The following RPS6KC1 variants were observed in gnomAD, a reference collection of about 807,000 sequenced individuals.
RPS6KC1 encodes the protein ribosomal protein S6 kinase C1.
RPS6KC1 carries 54 observed loss-of-function variants against 103.8 expected under a neutral mutation model. That is an observed-to-expected ratio of 0.52 (90% CI 0.42 to 0.65). The LOEUF is 0.65. RPS6KC1 is among the 30% of genes least tolerant of loss of function. The pLI is 0.00. For synonymous variants in RPS6KC1, 439 were observed against 438.7 expected, an observed-to-expected ratio of 1.00 and a Z score of -0.01; for missense variants, 1,151 against 1,253.8, an observed-to-expected ratio of 0.92 and a Z score of 1.24.
the RPS6KC1 span, among the ~76,000 whole-genome samples, chr1:213,479,939 CT>C: frequency 6.6e-6 from 1 of 151,902 alleles, no homozygotes; most frequent in South Asian, 2.1e-4. Flanking sequence ...GGGTATGTTT[CT>C]GGTGTTCCTA....
chr1:213,140,078 C>G (rs929741705), intron 6 of RPS6KC1, among the ~76,000 whole-genome samples: 1 of 151,864 alleles, frequency 6.6e-6, no homozygotes. Context: ...AGCTGTATTC[C>G]TAGGTATTTT....
the RPS6KC1 span, among the ~76,000 whole-genome samples, chr1:213,800,866 A>G: frequency 6.6e-6 from 1 of 152,126 alleles, no homozygotes; most frequent in Non-Finnish European, 1.5e-5. Flanking sequence ...TCTCATTTTG[A>G]TTAGAGTTGA....
the RPS6KC1 span, among the ~76,000 whole-genome samples, chr1:213,616,327 G>C: frequency 6.6e-6 from 1 of 152,214 alleles, no homozygotes; most frequent in East Asian, 1.9e-4. Flanking sequence ...CTGGTGGGAA[G>C]AAGAAAGGCC....
the RPS6KC1 span, among the ~76,000 whole-genome samples, chr1:213,624,315 G>A: frequency 6.6e-6 from 1 of 152,222 alleles, no homozygotes; most frequent in African/African-American, 2.4e-5. Context: ...TGCAATGTAT[G>A]AAATGTATGT....
the RPS6KC1 span, among the ~76,000 whole-genome samples, chr1:213,677,232 C>G: frequency 2.0e-5 from 3 of 152,238 alleles, no homozygotes; most frequent in African/African-American, 4.8e-5. Flanking sequence ...ATTCCCCATT[C>G]AACTCTCACT....
chr1:213,827,993 T>C, the RPS6KC1 span, among the ~76,000 whole-genome samples: 1 of 152,236 alleles, frequency 6.6e-6, no homozygotes, highest in African/African-American at 2.4e-5. Context: ...TTTTCAGGCC[T>C]CTTCTTTCTC....
the RPS6KC1 span, among the ~76,000 whole-genome samples, chr1:213,390,965 C>T: frequency 2.0e-5 from 3 of 152,070 alleles, no homozygotes; most frequent in South Asian, 2.1e-4. Flanking sequence ...GGTCCAAGTG[C>T]ACTTTTTTGG....
the RPS6KC1 span, among the ~76,000 whole-genome samples, chr1:213,635,173 A>G: frequency 9.8e-5 from 15 of 152,340 alleles, no homozygotes; most frequent in Admixed American, 7.8e-4. Flanking sequence ...ATGGATTCAC[A>G]GCCGAATTCT....
At chr1:213,781,499 T>C in the RPS6KC1 span, among the ~76,000 whole-genome samples, 1 of 152,208 alleles carries the variant, frequency 6.6e-6, no homozygotes, top group Admixed American at 6.5e-5. Flanking sequence ...TTGTGGGGTA[T>C]GAATGGAAAT....
At chr1:213,161,823 C>T (rs1343210565) in intron 6 of RPS6KC1, among the ~76,000 whole-genome samples, 1 of 152,162 alleles carries the variant, frequency 6.6e-6, no homozygotes, top group Non-Finnish European at 1.5e-5. Context: ...TTGTCTTGAT[C>T]ACTTTAGATC....
chr1:213,364,082 G>A, the RPS6KC1 span, among the ~76,000 whole-genome samples: 8 of 152,000 alleles, frequency 5.3e-5, no homozygotes, highest in Non-Finnish European at 1.5e-5. Flanking sequence ...GGCTTTGTGG[G>A]CCATACAGTC....
the RPS6KC1 span, among the ~76,000 whole-genome samples, chr1:213,602,727 C>G: frequency 6.6e-6 from 1 of 152,086 alleles, no homozygotes; most frequent in Non-Finnish European, 1.5e-5. Context: ...AAAGATATAC[C>G]CATTTCTTAG....
chr1:213,794,155 T>A, the RPS6KC1 span, among the ~76,000 whole-genome samples: 1 of 152,214 alleles, frequency 6.6e-6, no homozygotes, highest in Non-Finnish European at 1.5e-5. Context: ...AGAACTGGCT[T>A]TGGAGCCTAC....
chr1:213,788,177 A>G, the RPS6KC1 span, among the ~76,000 whole-genome samples: 1 of 152,186 alleles, frequency 6.6e-6, no homozygotes, highest in Non-Finnish European at 1.5e-5. Context: ...GCCTTGGCCC[A>G]GGATGCTGAA....
the RPS6KC1 span, among the ~76,000 whole-genome samples, chr1:213,753,169 G>A: frequency 6.6e-6 from 1 of 152,120 alleles, no homozygotes; most frequent in Non-Finnish European, 1.5e-5. Context: ...CATGGGACAG[G>A]GATGAAAAAA....
the RPS6KC1 span, among the ~76,000 whole-genome samples, chr1:213,781,641 G>A: frequency 3.3e-5 from 5 of 152,172 alleles, no homozygotes; most frequent in Admixed American, 3.3e-4. Flanking sequence ...TTGAGGGACA[G>A]CTGAGACTGG....
At chr1:213,304,979 A>G in the RPS6KC1 span, among the ~76,000 whole-genome samples, 9 of 152,254 alleles carry the variant, frequency 5.9e-5, no homozygotes, top group East Asian at 1.9e-4. Flanking sequence ...TTGTTTTTCA[A>G]TGACTCCTCT....
the RPS6KC1 span, among the ~76,000 whole-genome samples, chr1:213,305,865 G>A: frequency 6.6e-6 from 1 of 152,138 alleles, no homozygotes; most frequent in Admixed American, 6.5e-5. Context: ...TTCATCGACT[G>A]ACTTGACCCT....
the RPS6KC1 span, among the ~76,000 whole-genome samples, chr1:213,778,892 G>T: frequency 6.6e-6 from 1 of 152,022 alleles, no homozygotes; most frequent in Non-Finnish European, 1.5e-5. Context: ...CCACCCCACC[G>T]CCCCACTCCG....
Sources: allele counts gnomAD v4.1 joint callset (sites outside exome capture counted in the v4.1 genomes callset), GRCh38; gene constraint gnomAD v4.1.1; transcripts MANE v1.5; gene names NCBI Gene and HGNC (gene_info 2026-07-23, HGNC 2026-07-21).